TRPM3: variants seen among roughly 807,000 people sequenced by gnomAD.
TRPM3 encodes the protein long transient receptor potential channel 3.
Under a neutral mutation model 181.2 loss-of-function variants are expected in TRPM3, and 77 were observed. The observed-to-expected ratio is 0.42, with a 90% confidence interval of 0.35 to 0.51. The LOEUF is 0.51. TRPM3 is among the 20% of genes least tolerant of loss of function. The probability of loss-of-function intolerance (pLI) is 0.01; values close to 1 mark genes in which losing one functional copy is unlikely to be tolerated. For missense variants in TRPM3, 1,759 were observed against 2,196.7 expected (o/e 0.80, Z 3.98); for synonymous variants, 745 against 796.4 (o/e 0.94, Z 1.09).
chr9:71,073,434 C>T (rs1169939000), intron 1 of TRPM3, among the ~76,000 whole-genome samples: 2 of 152,086 alleles, frequency 1.3e-5, no homozygotes, highest in Non-Finnish European at 2.9e-5. Context: ...CCTTCTTAGC[C>T]CTTTATTTAA....
intron 1 of TRPM3, among the ~76,000 whole-genome samples, chr9:71,420,139 A>G (rs887475390): frequency 2.0e-5 from 3 of 151,886 alleles, no homozygotes; most frequent in Admixed American, 1.3e-4. Context: ...GTGTCCTGTT[A>G]TTCTTCATAA....
At chr9:70,844,301 T>G (rs2094847934) in intron 4 of TRPM3, among the ~76,000 whole-genome samples, 1 of 152,240 alleles carries the variant, frequency 6.6e-6, no homozygotes, top group Non-Finnish European at 1.5e-5. Context: ...AAAGAATCAC[T>G]GTTTAAAAAG....
intron 1 of TRPM3, among the ~76,000 whole-genome samples, chr9:70,966,044 A>AC: frequency 6.6e-6 from 1 of 152,048 alleles, no homozygotes; most frequent in African/African-American, 2.4e-5. Flanking sequence ...TTACAAAAAA[A>AC]AAAAACCACA....
chr9:71,196,673 T>C lies in TRPM3; in HGVS notation c.183+249980A>G, dbSNP rs568222282. ...CCTCACAGGTAAATTCCTGTTAAAC[T>C]AAATTTAGATCTAATAACAGGGAAC... On this transcript the variant is annotated intron_variant, in intron 1 of 24. Coordinates refer to the TRPM3 transcript ENST00000357533. Among the ~76,000 whole-genome samples the C allele has an allele frequency of 2.0e-5, 3 of 152,132 alleles. No homozygotes were observed. The South Asian group carries it at 6.2e-4, about 32-fold the overall frequency.
chr9:70,925,680 T>C (rs548806397), intron 1 of TRPM3, among the ~76,000 whole-genome samples: 6 of 152,044 alleles, frequency 3.9e-5, no homozygotes, highest in Non-Finnish European at 7.4e-5. Flanking sequence ...TCTTTATATA[T>C]ATATGCTGGG....
chr9:70,872,047 G>A (rs910215632), intron 1 of TRPM3, among the ~76,000 whole-genome samples: 1 of 151,904 alleles, frequency 6.6e-6, no homozygotes, highest in African/African-American at 2.4e-5. Context: ...TGGGATGTTC[G>A]CATTTGACAA....
chr9:71,025,436 G>A (rs570337960), intron 1 of TRPM3, among the ~76,000 whole-genome samples: 13 of 152,242 alleles, frequency 8.5e-5, no homozygotes, highest in East Asian at 1.9e-4. Flanking sequence ...ATGATTCATC[G>A]GAAAGAAGTA....
intron 1 of TRPM3, among the ~76,000 whole-genome samples, chr9:71,292,157 C>T (rs577219368): frequency 3.3e-5 from 5 of 151,878 alleles, no homozygotes; most frequent in South Asian, 2.1e-4. Context: ...GAAAACCTGG[C>T]GAATGCTGAT....
intron 1 of TRPM3, among the ~76,000 whole-genome samples, chr9:71,061,067 C>A (rs2061275590): frequency 1.3e-5 from 2 of 151,934 alleles, no homozygotes; most frequent in African/African-American, 4.8e-5. Context: ...CAAGTGTCGG[C>A]CAGGGTGAGA....
At chr9:71,179,189 G>C (rs181555875) in intron 1 of TRPM3, among the ~76,000 whole-genome samples, 1 of 152,260 alleles carries the variant, frequency 6.6e-6, no homozygotes, top group East Asian at 1.9e-4. Context: ...AATTTGATGT[G>C]AAATGCAGTG....
chr9:71,275,275 T>A (rs1014441202), intron 1 of TRPM3, among the ~76,000 whole-genome samples: 13 of 152,218 alleles, frequency 8.5e-5, no homozygotes, highest in Non-Finnish European at 1.6e-4. Flanking sequence ...AAATGTTTTT[T>A]AAGTGTTTTT....
chr9:70,602,266 T>C (rs1224007626), intron 20 of TRPM3, among the ~76,000 whole-genome samples: 1 of 152,140 alleles, frequency 6.6e-6, no homozygotes, highest in Non-Finnish European at 1.5e-5. Context: ...TTTTTTATGA[T>C]CCCAATACAA....
chr9:70,646,653 C>T (rs1256100050), intron 9 of TRPM3, among the ~76,000 whole-genome samples: 1 of 151,980 alleles, frequency 6.6e-6, no homozygotes, highest in Non-Finnish European at 1.5e-5. Flanking sequence ...ACCAGCATGG[C>T]ACATGTATCC....
chr9:71,161,344 G>A (rs958160095), intron 1 of TRPM3, among the ~76,000 whole-genome samples: 1 of 152,194 alleles, frequency 6.6e-6, no homozygotes, highest in East Asian at 1.9e-4. Context: ...GACCCTAGAA[G>A]GTCAATGAAA....
At chr9:70,801,497 A>T (rs918052192) in intron 6 of TRPM3, among the ~76,000 whole-genome samples, 1 of 152,176 alleles carries the variant, frequency 6.6e-6, no homozygotes, top group African/African-American at 2.4e-5. Context: ...ATAAGGGGAA[A>T]ATATAAATTA....
At chr9:70,999,808 C>T (rs1483548142) in intron 1 of TRPM3, among the ~76,000 whole-genome samples, 1 of 151,992 alleles carries the variant, frequency 6.6e-6, no homozygotes, top group African/African-American at 2.4e-5. Flanking sequence ...TCCTACAGGC[C>T]ATCTAAAATA....
intron 2 of TRPM3, among the ~76,000 whole-genome samples, chr9:70,863,917 G>A (rs7873539): frequency 0.35 from 53,860 of 151,818 alleles, 9,918 homozygotes; most frequent in African/African-American, 0.39. Context: ...CCATTCATAA[G>A]GGCATTTCAG....
intron 1 of TRPM3, among the ~76,000 whole-genome samples, chr9:71,366,489 A>C (rs929426087): frequency 1.6e-4 from 24 of 152,102 alleles, no homozygotes; most frequent in African/African-American, 5.6e-4. Context: ...AGGGTAGGAG[A>C]GAGAGGAAAA....
chr9:71,268,470 C>A (rs2083543704), intron 1 of TRPM3, among the ~76,000 whole-genome samples: 2 of 152,056 alleles, frequency 1.3e-5, no homozygotes, highest in African/African-American at 2.4e-5. Context: ...AACTATAGTA[C>A]TTAGAACACA....
Sources: gnomAD v4.1 joint callset for allele counts (sites outside exome capture counted in the v4.1 genomes callset) on GRCh38, gnomAD v4.1.1 for gene constraint, MANE v1.5 for transcripts, NCBI Gene and HGNC (gene_info 2026-07-23, HGNC 2026-07-21) for gene names.